Variants in RBM27 observed in about 807,000 individuals in gnomAD.
The protein encoded by RBM27 is RNA-binding protein 27.
RBM27 carries 22 observed loss-of-function variants against 135.3 expected under a neutral mutation model. The ratio of observed to expected loss-of-function variants is 0.16; its 90% CI spans 0.12 to 0.23. RBM27 has a LOEUF of 0.23. Among genes scored for constraint, RBM27 ranks in the 10% least tolerant of loss-of-function variants. The probability of loss-of-function intolerance (pLI) is 1.00; values close to 1 mark genes in which losing one functional copy is unlikely to be tolerated. For missense variants in RBM27, 1,009 were observed against 1,281.0 expected, an observed-to-expected ratio of 0.79 and a Z score of 3.24; for synonymous variants, 481 against 442.4, an observed-to-expected ratio of 1.09 and a Z score of -1.10.
chr5:146,255,728 T>C (rs1172006019), intron 10 of RBM27, among the ~76,000 whole-genome samples: 1 of 152,202 alleles, frequency 6.6e-6, no homozygotes, highest in Non-Finnish European at 1.5e-5. Flanking sequence ...CTAGCTATTA[T>C]GAATTTCCAA....
At chr5:146,264,002 G>A (rs533642357) in intron 14 of RBM27, among the ~76,000 whole-genome samples, 2 of 151,680 alleles carry the variant, frequency 1.3e-5, no homozygotes, top group African/African-American at 4.8e-5. Context: ...AGCTACCCGG[G>A]AGGCTGAGGC....
intron 8 of RBM27, among the ~76,000 whole-genome samples, chr5:146,248,546 A>G (rs1481923919): frequency 1.3e-5 from 2 of 152,020 alleles, no homozygotes; most frequent in Non-Finnish European, 2.9e-5. Context: ...GCTCATTGCA[A>G]CCTCTGCCTC....
chr5:146,203,623 G>A lies in RBM27; in HGVS notation c.-143G>A. The A allele has an allele frequency of 1.4e-6, 1 of 724,006 alleles. No individual in the cohort carries two copies. Among genetic ancestry groups the A allele is most frequent in the South Asian group, 1.7e-5 (1 of 57,170 alleles). The allele number at this position is 724,006 out of a possible 1,614,324, so 44.8% of individuals were successfully genotyped here. On this transcript the variant is annotated 5_prime_UTR_variant, in exon 1 of 21. Transcript: ENST00000265271. ...TTGGGTTAGTTCCTGTTAGGCCCCGGCCGGGGGAGTAGGTTGAAGTCTCCT... is the reference window on the plus strand; with the variant it reads ...TTGGGTTAGTTCCTGTTAGGCCCCGACCGGGGGAGTAGGTTGAAGTCTCCT...
rs368134128 is a variant in RBM27, at chr5:146,229,791, G to T, written c.470G>T (p.Arg157Leu). 5 of 1,613,774 alleles carry T rather than the reference G, an allele frequency of 3.1e-6. No individual in the cohort carries two copies. Among genetic ancestry groups the T allele is most frequent in the Non-Finnish European group, 3.4e-6 (4 of 1,179,824 alleles). Residue 157 changes from arginine (R) to leucine (L), a missense_variant, in exon 5 of 21, where the codon CGT becomes CTT. Coordinates refer to ENST00000265271, the MANE Select transcript of RBM27 (RefSeq NM_018989.2). The part of the protein sequence containing the change: ...DRYYERNELY[R>L]EKYDWRRGRS... ...TACTATGAGCGGAATGAATTGTACC[G>T]TGAGAAGTATGACTGGAGAAGAGGC...
chr5:146,230,000 T>G, intron 5 of RBM27, 90 bp downstream of exon 5: 1 of 1,445,876 alleles, frequency 6.9e-7, no homozygotes, highest in South Asian at 1.3e-5. Flanking sequence ...AGTTGTACCT[T>G]TAATATGTCT....
At chr5:146,284,507 A>G in intron 19 of RBM27, 115 bp from the exon 20 acceptor site, 2 of 727,100 alleles carry the variant, frequency 2.8e-6, no homozygotes, top group South Asian at 3.2e-5. Flanking sequence ...TTGTAGATCC[A>G]CCTTAACAGA....
intron 12 of RBM27, among the ~76,000 whole-genome samples, chr5:146,261,192 A>G (rs1758379854): frequency 2.0e-5 from 3 of 152,180 alleles, no homozygotes; most frequent in Admixed American, 6.5e-5. Context: ...TTCATTTCCT[A>G]GGGAGTGCTG....
At chr5:146,209,421 C>G (rs950197613) in intron 1 of RBM27, among the ~76,000 whole-genome samples, 2 of 151,964 alleles carry the variant, frequency 1.3e-5, no homozygotes, top group Non-Finnish European at 2.9e-5. Flanking sequence ...TTTAAAGTGC[C>G]CTAGGAGATT....
chr5:146,211,596 C>T (rs890492479), intron 1 of RBM27, among the ~76,000 whole-genome samples: 2 of 149,950 alleles, frequency 1.3e-5, no homozygotes, highest in Non-Finnish European at 3.0e-5. Flanking sequence ...ATTATCCTGC[C>T]TCAGCCTCCT....
chr5:146,209,122 T>C (rs1474018556), intron 1 of RBM27, among the ~76,000 whole-genome samples: 1 of 152,200 alleles, frequency 6.6e-6, no homozygotes, highest in African/African-American at 2.4e-5. Flanking sequence ...TCACCAAGTC[T>C]GTTATGAGTA....
intron 19 of RBM27, among the ~76,000 whole-genome samples, chr5:146,274,511 C>T (rs184411316): frequency 3.3e-5 from 5 of 152,276 alleles, no homozygotes; most frequent in Admixed American, 6.5e-5. Flanking sequence ...AACTGCCCGC[C>T]GGCCGCGTTG....
At chr5:146,207,951 G>GT (rs11401604) in intron 1 of RBM27, among the ~76,000 whole-genome samples, 55,670 of 81,192 alleles carry the variant, frequency 0.69, 19,636 homozygotes, top group South Asian at 0.8. Flanking sequence ...GGCCTAACAG[G>GT]TTTTTTTTTT....
At chr5:146,220,474 C>CAAA (rs55722840) in intron 2 of RBM27, among the ~76,000 whole-genome samples, 2 of 115,374 alleles carry the variant, frequency 1.7e-5, no homozygotes, top group African/African-American at 3.4e-5. Context: ...GAGTCCATCT[C>CAAA]AAAAAAAAAA....
chr5:146,223,397 C>A lies in RBM27; in HGVS notation c.179-6C>A. Reference sequence around the variant, plus strand: ...GCAATATGTAAATGTTATTTCTTCTCCTTAGAAACTTCAGGTTTTGTGGAC... The same window carrying A: ...GCAATATGTAAATGTTATTTCTTCTACTTAGAAACTTCAGGTTTTGTGGAC... On this transcript the variant is annotated splice_region_variant and splice_polypyrimidine_tract_variant and intron_variant, in intron 2 of 20. Coordinates refer to ENST00000265271, the MANE Select transcript of RBM27 (RefSeq NM_018989.2). 1 of 1,576,644 alleles carries A rather than the reference C, an allele frequency of 6.3e-7. No homozygotes were observed. Among genetic ancestry groups the A allele is most frequent in the South Asian group, 1.2e-5 (1 of 83,988 alleles).
intron 12 of RBM27, 184 bp from the exon 13 acceptor site, chr5:146,261,326 G>A (rs1193237112): frequency 4.8e-6 from 3 of 621,298 alleles, no homozygotes; most frequent in East Asian, 2.7e-5. Flanking sequence ...TCATTAGGAT[G>A]CACCTTTGTG....
chr5:146,277,385 A>G (rs1239177912), intron 19 of RBM27, among the ~76,000 whole-genome samples: 2 of 152,162 alleles, frequency 1.3e-5, no homozygotes, highest in African/African-American at 4.8e-5. Flanking sequence ...ATTTGAAGGC[A>G]TTCTGTTATA....
chr5:146,285,214 T>TA (rs1174443179), intron 20 of RBM27, among the ~76,000 whole-genome samples: 1 of 152,206 alleles, frequency 6.6e-6, no homozygotes, highest in African/African-American at 2.4e-5. Flanking sequence ...ATCAGCTTCT[T>TA]AAAATATATG....
chr5:146,277,672 G>A (rs1365897134), intron 19 of RBM27, among the ~76,000 whole-genome samples: 3 of 151,182 alleles, frequency 2.0e-5, no homozygotes, highest in South Asian at 2.1e-4. Context: ...ACAGGCGCCC[G>A]CCACCAGGCC....
chr5:146,280,168 CT>C (rs1463578098), intron 19 of RBM27, among the ~76,000 whole-genome samples: 2 of 151,918 alleles, frequency 1.3e-5, no homozygotes, highest in African/African-American at 4.8e-5. Context: ...AGGGATTCTC[CT>C]TTCTTCGCCT....
Sources: gnomAD v4.1 joint callset for allele counts (sites outside exome capture counted in the v4.1 genomes callset) on GRCh38, gnomAD v4.1.1 for gene constraint, MANE v1.5 for transcripts, NCBI Gene and HGNC (gene_info 2026-07-23, HGNC 2026-07-21) for gene names.